Variants in DHRS13 observed in about 807,000 individuals in gnomAD.
DHRS13 encodes the protein dehydrogenase/reductase 13.
In DHRS13, 22 loss-of-function variants were observed where a neutral mutation model predicts 17.9. The ratio of observed to expected loss-of-function variants is 1.23; its 90% CI spans 0.88 to 1.75. DHRS13 has a LOEUF of 1.75. Among genes scored for constraint, DHRS13 ranks in the 40% most tolerant of loss-of-function variants. The pLI, the probability that DHRS13 is intolerant of heterozygous loss-of-function variation, is 0.00. For missense variants in DHRS13, 483 were observed against 519.9 expected (o/e 0.93, Z 0.69); for synonymous variants, 206 against 220.4 (o/e 0.93, Z 0.58).
chr17:28,902,771 C>A lies in DHRS13; in HGVS notation c.127+47G>T. On this transcript the variant is annotated intron_variant, in intron 1 of 4. Transcript: ENST00000378895. This position sits in a 1 kb window ranked among gnomAD's most constrained non-coding sequence, Gnocchi z 4.0. ...CCGCTGCTACCGCCGGCCCGGCCTCCTCTCCGCGCGCCCCGCCAGCTCGCA... is the reference window on the plus strand; with the variant it reads ...CCGCTGCTACCGCCGGCCCGGCCTCATCTCCGCGCGCCCCGCCAGCTCGCA... 1 of 1,445,942 alleles carries A rather than the reference C, an allele frequency of 6.9e-7. No homozygotes were observed. The highest frequency in any genetic ancestry group is 1.4e-5 in the South Asian group (1 of 74,046). The allele number at this position is 1,445,942 out of a possible 1,614,324, so 89.6% of individuals were successfully genotyped here. A position where few individuals can be genotyped will look rare whatever the true frequency, so the allele number is the denominator to read the frequency against.
chr17:28,898,039 C>A lies in DHRS13; in HGVS notation c.*402G>T, dbSNP rs76281729. 1.7e-3 allele frequency: 383 copies of A among 231,858 alleles called. 1 individual carries two copies. Among genetic ancestry groups the A allele is most frequent in the African/African-American group, 8.2e-3 (349 of 42,790 alleles). 14.4% of individuals were successfully genotyped at this position (231,858 alleles called of 1,614,324 possible). A position where few individuals can be genotyped will look rare whatever the true frequency, so the allele number is the denominator to read the frequency against. On this transcript the variant is annotated 3_prime_UTR_variant, in exon 5 of 5. Transcript: ENST00000378895. ...CGGGAGCCTAATTCCGCTTCATTAA[C>A]ATGGGGGTAATTTAACTACCTAGCT...
Position 28,899,401 on chromosome 17 carries a change from T to A in DHRS13, c.683-509A>T, listed in dbSNP as rs139660524. ...AAGACTTAATAAAGGCTAATTGTGATCATCGCTATTATAATTACTAATGAG... is the reference window on the plus strand; with the variant it reads ...AAGACTTAATAAAGGCTAATTGTGAACATCGCTATTATAATTACTAATGAG... On this transcript the variant is annotated intron_variant, in intron 4 of 4. Transcript: ENST00000378895. The surrounding 1 kb of genome is among the most constrained non-coding windows in gnomAD (Gnocchi z 4.7). The A allele has an allele frequency of 7.0e-3, 1,076 of 154,780 alleles. 11 individuals carry two copies. The highest frequency in any genetic ancestry group is 0.025 in the African/African-American group (1,032 of 41,602). The allele number at this position is 154,780 out of a possible 1,614,324, so 9.6% of individuals were successfully genotyped here.
Position 28,899,125 on chromosome 17 carries a change from A to G in DHRS13, c.683-233T>C. 1 of 463,236 alleles carries G rather than the reference A, an allele frequency of 2.2e-6. No individual in the cohort carries two copies. Among genetic ancestry groups the G allele is most frequent in the Non-Finnish European group, 3.8e-6 (1 of 264,924 alleles). 28.7% of individuals were successfully genotyped at this position (463,236 alleles called of 1,614,324 possible). On this transcript the variant is annotated intron_variant, in intron 4 of 4. Coordinates refer to ENST00000378895, the MANE Select transcript of DHRS13 (RefSeq NM_144683.4). This position sits in a 1 kb window ranked among gnomAD's most constrained non-coding sequence, Gnocchi z 4.7. ...TTTCAAGGGAACCAGGATAGTATTT[A>G]CCAGGCATTCGGGGCTTCTGCGAGG...
In DHRS13 at chr17:28,901,861, C is replaced by G; in HGVS notation, c.247-245G>C. On this transcript the variant is annotated intron_variant, in intron 2 of 4. Transcript: ENST00000378895. This position sits in a 1 kb window ranked among gnomAD's most constrained non-coding sequence, Gnocchi z 4.3. ...CACTGCGTAAAGGGAATAATAATAA[C>G]AACAGTCCCAATCTCACTGAGCTTT... is the stretch of plus-strand genomic sequence containing the variant. 1 of 539,062 alleles carries G rather than the reference C, an allele frequency of 1.9e-6. No individual in the cohort carries two copies. The highest frequency in any genetic ancestry group is 3.2e-6 in the Non-Finnish European group (1 of 311,968). The allele number at this position is 539,062 out of a possible 1,614,324, so 33.4% of individuals were successfully genotyped here. A position where few individuals can be genotyped will look rare whatever the true frequency, so the allele number is the denominator to read the frequency against.
At position 28,901,015 on chromosome 17, in the gene DHRS13, G is replaced by A. The variant is rs1054634458; in HGVS notation, c.657C>T (p.Gly219=). The A allele has an allele frequency of 5.0e-6, 8 of 1,605,592 alleles. No homozygotes were observed. The Admixed American group carries it at 5.0e-5, about 10-fold the overall frequency. The part of the protein sequence containing the change: ...RELANQLEAT[G]VTCYAAHPGP... ...CTGGGTGGGCTGCATAGCAGGTGAC[G>A]CCAGTGGCCTCAAGCTGGTTGGCGA... The change falls in exon 4 of 5, where the codon GGC becomes GGT. Residue 219 remains glycine, a synonymous_variant. Coordinates refer to ENST00000378895, the MANE Select transcript of DHRS13 (RefSeq NM_144683.4). The surrounding 1 kb of genome is among the most constrained non-coding windows in gnomAD (Gnocchi z 4.3).
In DHRS13 at chr17:28,901,564, G is replaced by C. The variant is rs1344910374; in HGVS notation, c.299C>G (p.Ala100Gly). Reference sequence around the variant, plus strand: ...GGCAGTGGCAAAGGCCCGCACCGAGGCCAGACTGGCCAAGTCCAAGGCCAT... The same window carrying C: ...GGCAGTGGCAAAGGCCCGCACCGAGCCCAGACTGGCCAAGTCCAAGGCCAT... Reference protein sequence around the residue: ...IFMALDLASLASVRAFATAFL... With the variant: ...IFMALDLASLGSVRAFATAFL... The change falls in exon 3 of 5, where the codon GCC becomes GGC. Residue 100 changes from alanine to glycine, a missense_variant. Ala to Gly is a moderately conservative substitution (Grantham distance 60, BLOSUM62 0). Coordinates refer to ENST00000378895, the MANE Select transcript of DHRS13 (RefSeq NM_144683.4). The surrounding 1 kb of genome is among the most constrained non-coding windows in gnomAD (Gnocchi z 4.3). The C allele has an allele frequency of 6.2e-7, 1 of 1,614,114 alleles. No individual in the cohort carries two copies. The highest frequency in any genetic ancestry group is 1.7e-5 in the Admixed American group (1 of 60,006).
In DHRS13 at chr17:28,898,429, C is replaced by G; in HGVS notation, c.*12G>C. ...ACCATGAAGTGCCATGGCAAGCATC[C>G]TGGCCTGAGGGTTAGGAGAGCTGGA... On this transcript the variant is annotated 3_prime_UTR_variant, in exon 5 of 5. Transcript: ENST00000378895. The G allele has an allele frequency of 6.5e-7, 1 of 1,549,326 alleles. No individual in the cohort carries two copies. The highest frequency in any genetic ancestry group is 8.7e-7 in the Non-Finnish European group (1 of 1,146,538).
At chr17:28,898,993 G>C (rs1390168220) in intron 4 of DHRS13, 101 bp from the exon 5 acceptor site, 1 of 1,203,620 alleles carries the variant, frequency 8.3e-7, no homozygotes. Flanking sequence ...CTTGAGCCCA[G>C]GAGTTTGAGA....
At chr17:28,900,850 C>G in intron 4 of DHRS13, 140 bp downstream of exon 4, 1 of 985,144 alleles carries the variant, frequency 1.0e-6, no homozygotes, top group South Asian at 1.7e-5. Flanking sequence ...CAGGTCTCTC[C>G]TTGGACTATG....
chr17:28,898,761 C>G lies in DHRS13; in HGVS notation c.814G>C (p.Glu272Gln). ...AQTPLYCALQ[E>Q]GIEPLSGRYF... ...CTCCCACTGAGGGGCTCGATGCCCT[C>G]TTGTAGAGCACAATACAGGGGTGTC... The change falls in exon 5 of 5, where the codon GAG becomes CAG. Residue 272 changes from glutamate to glutamine, a missense_variant. Physicochemically the swap from Glu to Gln is conservative, Grantham distance 29. Coordinates refer to ENST00000378895, the MANE Select transcript of DHRS13 (RefSeq NM_144683.4). The G allele has an allele frequency of 1.2e-6, 2 of 1,613,772 alleles. No homozygotes were observed. Among genetic ancestry groups the G allele is most frequent in the Non-Finnish European group, 8.5e-7 (1 of 1,179,894 alleles).
chr17:28,898,529 G>A lies in DHRS13; in HGVS notation c.1046C>T (p.Pro349Leu), dbSNP rs778301846. The A allele has an allele frequency of 1.6e-5, 25 of 1,610,958 alleles. No homozygotes were observed. Among genetic ancestry groups the A allele is most frequent in the Non-Finnish European group, 2.0e-5 (24 of 1,178,652 alleles). Residue 349 changes from proline (P) to leucine (L), a missense_variant, in exon 5 of 5, where the codon CCT becomes CTT. Physicochemically the swap from Pro to Leu is moderately conservative, Grantham distance 98. Coordinates refer to ENST00000378895, the MANE Select transcript of DHRS13 (RefSeq NM_144683.4). ...TGGTGAGCTCTGAGGGCTGGGGTAA[G>A]GTTGAGAAACTGTGGGCTCCTCAGG... is the stretch of plus-strand genomic sequence containing the variant. ...PHPEEPTVSQ[P>L]YPSPQSSPDL... is the part of the protein sequence containing the mutation.
Position 28,898,793 on chromosome 17 carries a change from C to T in DHRS13, c.782G>A (p.Gly261Asp). Reference sequence around the variant, plus strand: ...AGCACAATACAGGGGTGTCTGGGCACCCCCTCTTGGTGCCCGGAGCACCAG... The same window carrying T: ...AGCACAATACAGGGGTGTCTGGGCATCCCCTCTTGGTGCCCGGAGCACCAG... ...AWLVLRAPRG[G>D]AQTPLYCALQ... The change falls in exon 5 of 5, where the codon GGT becomes GAT. Residue 261 changes from glycine to aspartate, a missense_variant. Transcript: ENST00000378895. The T allele has an allele frequency of 6.2e-7, 1 of 1,611,850 alleles. No individual in the cohort carries two copies. Among genetic ancestry groups the T allele is most frequent in the African/African-American group, 1.3e-5 (1 of 75,010 alleles).
chr17:28,898,025 T>C lies in DHRS13; in HGVS notation c.*416A>G, dbSNP rs1466416912. On this transcript the variant is annotated 3_prime_UTR_variant, in exon 5 of 5. Coordinates refer to ENST00000378895, the MANE Select transcript of DHRS13 (RefSeq NM_144683.4). ...CGAGTCCCTTAGCTCGGGAGCCTAA[T>C]TCCGCTTCATTAACATGGGGGTAAT... 2 of 229,998 alleles carry C rather than the reference T, an allele frequency of 8.7e-6. No individual in the cohort carries two copies. The highest frequency in any genetic ancestry group is 1.7e-5 in the Non-Finnish European group (2 of 118,422). 14.2% of individuals were successfully genotyped at this position (229,998 alleles called of 1,614,324 possible).
rs2039775531 is a variant in DHRS13 at position 28,898,227 on chromosome 17, C to G, written c.*214G>C. 3.4e-6 allele frequency: 2 copies of G among 581,578 alleles called. No homozygotes were observed. Among genetic ancestry groups the G allele is most frequent in the Admixed American group, 3.4e-5 (1 of 29,486 alleles). 36.0% of individuals were successfully genotyped at this position (581,578 alleles called of 1,614,324 possible). A position where few individuals can be genotyped will look rare whatever the true frequency, so the allele number is the denominator to read the frequency against. ...AGCACAGTGTCTAGCATACCCCTAT[C>G]TCTCCATCTGGGGTTACTGTCACTC... On this transcript the variant is annotated 3_prime_UTR_variant, in exon 5 of 5. Coordinates refer to ENST00000378895, the MANE Select transcript of DHRS13 (RefSeq NM_144683.4).
At position 28,899,823 on chromosome 17, in the gene DHRS13, T is replaced by G. The variant is rs2152652387; in HGVS notation, c.683-931A>C. 6.6e-6 allele frequency among the ~76,000 whole-genome samples: 1 copy of G among 152,368 alleles called. No individual in the cohort carries two copies. The highest frequency in any genetic ancestry group is 2.1e-4 in the South Asian group (1 of 4,830). On this transcript the variant is annotated intron_variant, in intron 4 of 4. Coordinates refer to ENST00000378895, the MANE Select transcript of DHRS13 (RefSeq NM_144683.4). This position sits in a 1 kb window ranked among gnomAD's most constrained non-coding sequence, Gnocchi z 4.7. ...TCTAGGTTCAGGCGATTCTCCTGCCTCAGCCTCCTGAATAGCTGGGACTAC... is the reference window on the plus strand; with the variant it reads ...TCTAGGTTCAGGCGATTCTCCTGCCGCAGCCTCCTGAATAGCTGGGACTAC...
intron 4 of DHRS13, 65 bp downstream of exon 4, chr17:28,900,925 G>T: frequency 6.6e-7 from 1 of 1,504,350 alleles, no homozygotes; most frequent in South Asian, 1.3e-5. Flanking sequence ...CGGTAGTGGT[G>T]TGGGGGGCAC....
At position 28,902,729 on chromosome 17, in the gene DHRS13, G is replaced by A. The variant is rs2039817046; in HGVS notation, c.128-28C>T. ...GCGGACCGCGGGCGGGAGCCGAGCT[G>A]AGCTGAGCCCGGCGGGCCGCTGCTA... On this transcript the variant is annotated intron_variant, in intron 1 of 4. Transcript: ENST00000378895. The surrounding 1 kb of genome is among the most constrained non-coding windows in gnomAD (Gnocchi z 4.0). The A allele has an allele frequency of 1.5e-6, 2 of 1,372,492 alleles. No individual in the cohort carries two copies. Among genetic ancestry groups the A allele is most frequent in the East Asian group, 3.1e-5 (1 of 32,340 alleles). The allele number at this position is 1,372,492 out of a possible 1,614,324, so 85.0% of individuals were successfully genotyped here. A position where few individuals can be genotyped will look rare whatever the true frequency, so the allele number is the denominator to read the frequency against.
At position 28,901,155 on chromosome 17, in the gene DHRS13, G is replaced by A; in HGVS notation, c.517C>T (p.His173Tyr). 6.2e-7 allele frequency: 1 copy of A among 1,614,180 alleles called. No individual in the cohort carries two copies. The highest frequency in any genetic ancestry group is 2.2e-5 in the East Asian group (1 of 44,892). ...TTGAAGTCAAGACGTCCCCGACAGT[G>A]GGCAGCTGAGGCTACCACCACCACG... Reference protein sequence around the residue: ...SRVVVVASAAHCRGRLDFKRL... With the variant: ...SRVVVVASAAYCRGRLDFKRL... Residue 173 changes from histidine (H) to tyrosine (Y), a missense_variant, in exon 4 of 5, where the codon CAC becomes TAC. Physicochemically the swap from His to Tyr is moderately conservative, Grantham distance 83 (BLOSUM62 2). Transcript: ENST00000378895. The surrounding 1 kb of genome is among the most constrained non-coding windows in gnomAD (Gnocchi z 4.3).
chr17:28,900,443 T>C (rs1427503318), intron 4 of DHRS13, among the ~76,000 whole-genome samples: 1 of 152,246 alleles, frequency 6.6e-6, no homozygotes, highest in Admixed American at 6.5e-5. Context: ...CTTCCTTGAC[T>C]GCCACACCAT....
Sources: allele counts gnomAD v4.1 joint callset (sites outside exome capture counted in the v4.1 genomes callset), GRCh38; gene constraint gnomAD v4.1.1; non-coding constraint Gnocchi (gnomAD v3.1); transcripts MANE v1.5; gene names NCBI Gene and HGNC (gene_info 2026-07-23, HGNC 2026-07-21).